The following TASOR variants were observed in gnomAD, a reference collection of about 807,000 sequenced individuals.
TASOR encodes protein TASOR.
A neutral mutation model predicts 178.6 loss-of-function variants in TASOR; 53 were observed. The observed-to-expected ratio is 0.30, with a 90% CI of 0.24 to 0.37. TASOR has a LOEUF of 0.37. Ranked by LOEUF, TASOR falls within the 10% of genes least tolerant of loss-of-function variation. TASOR has a pLI of 1.00. For missense variants in TASOR, 1,815 were observed against 1,971.4 expected, an observed-to-expected ratio of 0.92 and a Z score of 1.50; for synonymous variants, 713 against 696.2, an observed-to-expected ratio of 1.02 and a Z score of -0.38.
At chr3:56,644,737 C>A (rs1033110695) in intron 14 of TASOR, among the ~76,000 whole-genome samples, 7 of 152,052 alleles carry the variant, frequency 4.6e-5, no homozygotes, top group Non-Finnish European at 1.0e-4. Context: ...AGAACACAGA[C>A]AAAGAGTAAC....
chr3:56,651,292 C>T (rs185353849), intron 11 of TASOR, among the ~76,000 whole-genome samples: 1 of 151,886 alleles, frequency 6.6e-6, no homozygotes, highest in African/African-American at 2.4e-5. Context: ...GATATTAATC[C>T]AATCTCTGGG....
At chr3:56,653,534 A>G (rs576202840) in intron 11 of TASOR, among the ~76,000 whole-genome samples, 1 of 152,172 alleles carries the variant, frequency 6.6e-6, no homozygotes, top group Admixed American at 6.5e-5. Flanking sequence ...TAACCCCTAA[A>G]CAAAAATAGA....
chr3:56,647,403 A>G (rs1017849545), intron 13 of TASOR, among the ~76,000 whole-genome samples, 180 bp from the exon 14 acceptor site: 1 of 152,188 alleles, frequency 6.6e-6, no homozygotes, highest in African/African-American at 2.4e-5. Context: ...GCATGCTTGT[A>G]AAGTCCAGGA....
At chr3:56,647,959 G>A (rs2077270355) in intron 13 of TASOR, among the ~76,000 whole-genome samples, 1 of 152,180 alleles carries the variant, frequency 6.6e-6, no homozygotes, top group African/African-American at 2.4e-5. Flanking sequence ...AGCAGCTTGG[G>A]AGGCTGAGGT....
rs775059508 is a variant in TASOR at position 56,624,569 on chromosome 3, T to C, written c.4393A>G (p.Asn1465Asp). The change falls in exon 23 of 24, where the codon AAC (asparagine) becomes GAC (aspartate). Residue 1465 changes from asparagine to aspartate, a missense_variant. Physicochemically the swap from Asn to Asp is conservative, Grantham distance 23. Transcript: ENST00000683822. ...VVATAEDFMQ[N>D]FKNLVGYHNS... ...TGATAGCCCACAAGATTTTTAAAGT[T>C]TTGCATGAAGTCTTCAGCAGTTGCA... 1.5e-5 allele frequency: 25 copies of C among 1,614,116 alleles called. No individual in the cohort carries two copies. Among genetic ancestry groups the C allele is most frequent in the Non-Finnish European group, 2.1e-5 (25 of 1,179,982 alleles).
intron 15 of TASOR, 99 bp downstream of exon 15, chr3:56,641,250 C>CT: frequency 7.9e-7 from 1 of 1,270,356 alleles, no homozygotes; most frequent in Non-Finnish European, 1.1e-6. Flanking sequence ...CATTTTATTT[C>CT]TTTTTCAAAG....
rs888004441 is a variant in TASOR, at chr3:56,641,411, T to C, written c.2557A>G (p.Lys853Glu). Residue 853 changes from lysine to glutamate, a missense_variant, in exon 15 of 24, where the codon AAG becomes GAG. By Grantham distance (56) the Lys-to-Glu change is moderately conservative. Coordinates refer to ENST00000683822, the MANE Select transcript of TASOR (RefSeq NM_001365635.2). ...CTGGTAGAAATAGCAACAGAATACT[T>C]AGATGTTGCATCAACTTCTAGTAAT... is the stretch of plus-strand genomic sequence containing the variant. Reference protein sequence around the residue: ...SLLLEVDATSKYSVAISTSEV... With the variant: ...SLLLEVDATSEYSVAISTSEV... The C allele has an allele frequency of 2.5e-6, 4 of 1,603,046 alleles. No individual in the cohort carries two copies. The highest frequency in any genetic ancestry group is 2.7e-5 in the African/African-American group (2 of 74,756).
chr3:56,662,281 T>G, intron 9 of TASOR, 104 bp downstream of exon 9: 1 of 687,226 alleles, frequency 1.5e-6, no homozygotes, highest in Non-Finnish European at 2.5e-6. Context: ...ATATTGAAGT[T>G]CTTATGAACC....
Position 56,641,387 on chromosome 3 carries a change from T to C in TASOR, c.2581A>G (p.Ser861Gly), listed in dbSNP as rs2077121399. 1.3e-6 allele frequency: 2 copies of C among 1,597,140 alleles called. No individual in the cohort carries two copies. The highest frequency in any genetic ancestry group is 2.2e-5 in the South Asian group (2 of 90,836). ...TSKYSVAIST[S>G]EVGTDHKLHL... is the part of the protein sequence containing the mutation. ...AGCTTATGGTCAGTGCCCACTTCGC[T>C]GGTAGAAATAGCAACAGAATACTTA... The change falls in exon 15 of 24, where the codon AGC becomes GGC. Residue 861 changes from serine to glycine, a missense_variant. Physicochemically the swap from Ser to Gly is moderately conservative, Grantham distance 56. This residue lies in a region of TASOR where 655 missense variants were observed against 671.1 expected (regional missense o/e 0.98). Transcript: ENST00000683822.
At chr3:56,634,149 T>C (rs1302991985) in intron 17 of TASOR, among the ~76,000 whole-genome samples, 183 bp from the exon 18 acceptor site, 2 of 152,238 alleles carry the variant, frequency 1.3e-5, no homozygotes, top group Non-Finnish European at 2.9e-5. Flanking sequence ...ACTTATGGGA[T>C]GGTCCTTAGA....
At chr3:56,669,622 TA>T in intron 5 of TASOR, 77 bp downstream of exon 5, 2 of 903,434 alleles carry the variant, frequency 2.2e-6, no homozygotes, top group Non-Finnish European at 3.4e-6. Flanking sequence ...AACAATCTCC[TA>T]AAAACAGCAT....
rs2076834300 is a variant in TASOR, at chr3:56,627,990, A to G, written c.3871-249T>C. On this transcript the variant is annotated intron_variant, in intron 19 of 23. Transcript: ENST00000683822. ...CTTACAATAGACCTGAAAACACAAA[A>G]TGGACAAAAGCTGACCTCTCTATAA... Among the ~76,000 whole-genome samples, 2 of 152,180 alleles carry G rather than the reference A, an allele frequency of 1.3e-5. 1 individual carries two copies. The highest frequency in any genetic ancestry group is 2.9e-5 in the Non-Finnish European group (2 of 68,030).
chr3:56,669,936 A>G (rs957744369), intron 4 of TASOR, 137 bp downstream of exon 4: 11 of 866,370 alleles, frequency 1.3e-5, no homozygotes, highest in Admixed American at 3.0e-5. Context: ...CTTACATTTC[A>G]GAACCTATGA....
chr3:56,663,628 T>G, intron 7 of TASOR, 56 bp from the exon 8 acceptor site: 1 of 1,279,992 alleles, frequency 7.8e-7, no homozygotes, highest in Non-Finnish European at 1.0e-6. Flanking sequence ...ATCATAAAAA[T>G]TAACATGTAA....
At position 56,662,361 on chromosome 3, in the gene TASOR, G is replaced by A. The variant is rs530462593; in HGVS notation, c.1160+24C>T. ...AGAAAGTGATAAAATTAGCAACCAC[G>A]AACTGCTCTTTACTTATACTTACAG... On this transcript the variant is annotated intron_variant, in intron 9 of 23. Transcript: ENST00000683822. The A allele has an allele frequency of 2.1e-4, 267 of 1,256,830 alleles. No homozygotes were observed. In the African/African-American group the frequency reaches 3.4e-3, roughly 16 times the overall value. The allele number at this position is 1,256,830 out of a possible 1,614,324, so 77.9% of individuals were successfully genotyped here. A position where few individuals can be genotyped will look rare whatever the true frequency, so the allele number is the denominator to read the frequency against.
intron 19 of TASOR, 40 bp from the exon 20 acceptor site, chr3:56,627,781 G>A: frequency 6.3e-7 from 1 of 1,592,638 alleles, no homozygotes; most frequent in Non-Finnish European, 8.6e-7. Flanking sequence ...CAGATGGAGG[G>A]AATGAATTGA....
chr3:56,651,836 T>A (rs1274619832), intron 11 of TASOR, among the ~76,000 whole-genome samples: 1 of 152,312 alleles, frequency 6.6e-6, no homozygotes. Flanking sequence ...ATGAAATCTT[T>A]AAAGACATAA....
chr3:56,634,486 T>C (rs2076977537), intron 17 of TASOR, among the ~76,000 whole-genome samples: 1 of 152,356 alleles, frequency 6.6e-6, no homozygotes, highest in Non-Finnish European at 1.5e-5. Flanking sequence ...ATTAATTTTA[T>C]CTGCTTTCAG....
intron 1 of TASOR, among the ~76,000 whole-genome samples, 186 bp from the exon 2 acceptor site, chr3:56,673,911 A>G (rs149266633): frequency 6.6e-6 from 1 of 152,292 alleles, no homozygotes; most frequent in African/African-American, 2.4e-5. Context: ...CTAGTTGCCT[A>G]CATACACCAG....
Sources: allele counts gnomAD v4.1 joint callset (sites outside exome capture counted in the v4.1 genomes callset), GRCh38; gene constraint gnomAD v4.1.1; regional missense constraint gnomAD v4.1.1; transcripts MANE v1.5; gene names NCBI Gene and HGNC (gene_info 2026-07-23, HGNC 2026-07-21).